GJE1: variants seen among roughly 807,000 people sequenced by gnomAD.
GJE1 encodes gap junction epsilon-1 protein.
In GJE1, 9 loss-of-function variants were observed where a neutral mutation model predicts 6.2. The observed-to-expected ratio is 1.45, with a 90% CI of 0.87 to 2.52. The LOEUF (loss-of-function observed/expected upper bound fraction) is 2.52, where lower values mean the gene tolerates loss of function less well. Ranked by LOEUF, GJE1 falls within the 30% of genes most tolerant of loss-of-function variation. The pLI is 0.00. For synonymous variants in GJE1, 65 were observed against 30.1 expected (o/e 2.16, Z -3.80); for missense variants, 190 against 87.7 (o/e 2.17, Z -4.66).
chr6:142,134,494 T>G, intron 2 of GJE1, 45 bp from the exon 3 acceptor site: 1 of 479,020 alleles, frequency 2.1e-6, no homozygotes, highest in Non-Finnish European at 3.7e-6. Context: ...ACATATTGAT[T>G]AATTGATTTA....
chr6:142,133,351 A>G (rs1207496434), intron 1 of GJE1, among the ~76,000 whole-genome samples, 154 bp downstream of exon 1: 1 of 152,182 alleles, frequency 6.6e-6, no homozygotes, highest in Non-Finnish European at 1.5e-5. Flanking sequence ...ATTTAAAACT[A>G]TAAAGAGAAA....
At chr6:142,135,223 TA>T (rs534806403), downstream of GJE1, 271 of 166,534 alleles carry the variant, frequency 1.6e-3, 6 homozygotes, top group Middle Eastern at 0.019. Flanking sequence ...GAGAAACTTT[TA>T]TTGTCTTTTT....
intron 2 of GJE1, 79 bp downstream of exon 2, chr6:142,134,123 C>A: frequency 1.9e-6 from 1 of 514,474 alleles, no homozygotes; most frequent in South Asian, 3.4e-5. Context: ...TGAGAAATAC[C>A]CTAACAGGTT....
At chr6:142,133,666 A>G (rs1194295978) in intron 1 of GJE1, among the ~76,000 whole-genome samples, 184 bp from the exon 2 acceptor site, 2 of 152,176 alleles carry the variant, frequency 1.3e-5, no homozygotes, top group African/African-American at 2.4e-5. Context: ...ATTGCTTTTC[A>G]TATTTTAAGA....
intron 2 of GJE1, 87 bp downstream of exon 2, chr6:142,134,131 G>GT (rs1231060939): frequency 4.0e-6 from 2 of 503,042 alleles, no homozygotes; most frequent in South Asian, 3.7e-5. Context: ...ACCCTAACAG[G>GT]TTTTTTGTTC....
At chr6:142,134,096 A>G in intron 2 of GJE1, 52 bp downstream of exon 2, 1 of 561,196 alleles carries the variant, frequency 1.8e-6, no homozygotes, top group East Asian at 2.9e-5. Flanking sequence ...CTTTAAATGT[A>G]AAATAATGTC....
intron 2 of GJE1, 135 bp from the exon 3 acceptor site, chr6:142,134,404 T>C (rs949563658): frequency 2.4e-5 from 11 of 452,206 alleles, no homozygotes; most frequent in African/African-American, 1.4e-4. Context: ...TTAAGACACA[T>C]ATAAGATTTT....
At chr6:142,133,388 G>T (rs760437283) in intron 1 of GJE1, among the ~76,000 whole-genome samples, 191 bp downstream of exon 1, 4 of 152,114 alleles carry the variant, frequency 2.6e-5, no homozygotes, top group African/African-American at 7.2e-5. Flanking sequence ...TTAGATGTTG[G>T]TGTTTTAGTG....
chr6:142,134,131 G>T (rs1330433292), intron 2 of GJE1, 87 bp downstream of exon 2: 3 of 503,038 alleles, frequency 6.0e-6, no homozygotes, highest in Admixed American at 3.3e-5. Flanking sequence ...ACCCTAACAG[G>T]TTTTTTGTTC....
chr6:142,133,542 G>A (rs1272176033), intron 1 of GJE1, among the ~76,000 whole-genome samples: 1 of 152,098 alleles, frequency 6.6e-6, no homozygotes, highest in African/African-American at 2.4e-5. Flanking sequence ...AGAAGTATTA[G>A]ATATTCTGAT....
exon 2 of GJE1, chr6:142,133,980 A>G (rs1188306621): frequency 8.5e-6 from 6 of 702,444 alleles, no homozygotes; most frequent in Admixed American, 2.0e-5. Context: ...GATCCAGACA[A>G]AAGAGAAGTA....
At chr6:142,134,541 A>G in exon 3 of GJE1, 1 of 551,834 alleles carries the variant, frequency 1.8e-6, no homozygotes, top group Admixed American at 3.5e-5. Flanking sequence ...TGTTCTAGGC[A>G]TTACAACTAG....
intron 1 of GJE1, 112 bp from the exon 2 acceptor site, chr6:142,133,738 C>T: frequency 1.9e-6 from 1 of 519,382 alleles, no homozygotes. Context: ...GTCTATTTGG[C>T]TTCAAAACTT....
chr6:142,133,900 G>T lies in GJE1; in HGVS notation c.90G>T (p.Ser30=). Reference sequence around the variant, plus strand: ...AATTCCACACCCTTTTCTTTGGATCGATCCGAATATTCTTCCTCGGGGTGC... The same window carrying T: ...AATTCCACACCCTTTTCTTTGGATCTATCCGAATATTCTTCCTCGGGGTGC... The change falls in exon 2 of 3, where the codon TCG becomes TCT. Residue 30 remains serine (S), a synonymous_variant. Coordinates refer to ENST00000450456, the Ensembl canonical transcript of GJE1. 7.1e-6 allele frequency: 5 copies of T among 701,922 alleles called. 1 individual carries two copies. The South Asian group carries it at 7.4e-5, about 10-fold the overall frequency. The allele number at this position is 701,922 out of a possible 1,614,324, so 43.5% of individuals were successfully genotyped here.
At chr6:142,133,698 GA>G (rs1369186688) in intron 1 of GJE1, among the ~76,000 whole-genome samples, 151 bp from the exon 2 acceptor site, 1 of 152,026 alleles carries the variant, frequency 6.6e-6, no homozygotes, top group African/African-American at 2.4e-5. Flanking sequence ...CATAATGCAG[GA>G]ATTATATTTG....
chr6:142,133,115 C>A, exon 1 of GJE1: 1 of 637,564 alleles, frequency 1.6e-6, no homozygotes. Context: ...CAATGTGGGT[C>A]AAGAATTAAC....
exon 3 of GJE1, chr6:142,135,095 T>A (rs1181458582): frequency 8.7e-6 from 3 of 346,022 alleles, no homozygotes; most frequent in Non-Finnish European, 1.6e-5. Context: ...ATATTTCATT[T>A]TAATTTTGAT....
At chr6:142,134,833 A>C in exon 3 of GJE1, 1 of 666,788 alleles carries the variant, frequency 1.5e-6, no homozygotes, top group Non-Finnish European at 2.7e-6. Context: ...CATTGCAATA[A>C]ATACATTTAC....
In GJE1 at chr6:142,134,473, GT is replaced by G. The variant is rs1778209347; in HGVS notation, c.235-65del. On this transcript the variant is annotated intron_variant, in intron 2 of 2. Transcript: ENST00000450456. ...TGAGAGTTAGTGGGGTTTTTTTAGT[GT>G]ATTTTAGTTACATATTGATTAATTG... 12 of 461,218 alleles carry G rather than the reference GT, an allele frequency of 2.6e-5. No individual in the cohort carries two copies. The East Asian group carries it at 3.9e-4, about 15-fold the overall frequency. The allele number at this position is 461,218 out of a possible 1,614,324, so 28.6% of individuals were successfully genotyped here. A position where few individuals can be genotyped will look rare whatever the true frequency, so the allele number is the denominator to read the frequency against.
Sources: allele counts gnomAD v4.1 joint callset (sites outside exome capture counted in the v4.1 genomes callset), GRCh38; gene constraint gnomAD v4.1.1; transcripts MANE v1.5; gene names NCBI Gene and HGNC (gene_info 2026-07-23, HGNC 2026-07-21).